DAG1: variants seen among roughly 807,000 people sequenced by gnomAD.
DAG1 encodes the protein dystroglycan 1 (dystrophin-associated glycoprotein 1).
Under a neutral mutation model 46.1 loss-of-function variants are expected in DAG1, and 8 were observed. That is an observed-to-expected ratio of 0.17 (90% confidence interval 0.10 to 0.31). DAG1 has a LOEUF of 0.31. DAG1 is among the 10% of genes least tolerant of loss of function. DAG1 has a pLI of 1.00. For synonymous variants in DAG1, 495 were observed against 481.8 expected, an observed-to-expected ratio of 1.03 and a Z score of -0.36; for missense variants, 1,003 against 1,189.9, an observed-to-expected ratio of 0.84 and a Z score of 2.31.
intron 1 of DAG1, chr3:49,487,200 ATTATTGAGAATTT>A (rs1394717965): frequency 1.3e-5 from 2 of 152,354 alleles, no homozygotes; most frequent in African/African-American, 4.8e-5. Flanking sequence ...TGATGTTTTA[ATTATTGAGAATTT>A]TGTATTTTTT....
At chr3:49,516,681 G>A (rs184812396) in intron 2 of DAG1, among the ~76,000 whole-genome samples, 1 of 152,314 alleles carries the variant, frequency 6.6e-6, no homozygotes, top group East Asian at 1.9e-4. Flanking sequence ...GTATTCTTGT[G>A]ATATGCCCCT....
chr3:49,515,253 A>G (rs1298565067), intron 2 of DAG1, among the ~76,000 whole-genome samples: 1 of 147,996 alleles, frequency 6.8e-6, no homozygotes, highest in Admixed American at 6.7e-5. Flanking sequence ...TACAGGAATG[A>G]GCCACTGTCC....
intron 2 of DAG1, among the ~76,000 whole-genome samples, chr3:49,513,933 G>C (rs1042650409): frequency 2.0e-5 from 3 of 152,226 alleles, no homozygotes; most frequent in Admixed American, 2.0e-4. Flanking sequence ...AATGTTTTAC[G>C]TGGATTAATC....
chr3:49,517,832 T>C (rs528750305), intron 2 of DAG1, among the ~76,000 whole-genome samples: 1 of 152,220 alleles, frequency 6.6e-6, no homozygotes, highest in Non-Finnish European at 1.5e-5. Context: ...TGCTATGTGA[T>C]AAAGCATTAA....
Position 49,487,692 on chromosome 3 carries a change from C to T in DAG1, c.-117+17259C>T, listed in dbSNP as rs112929522. ...TTTGGAGTAATTAGCCCCATACATT[C>T]TTTTTTTTTTTTTTTTTTTTTGTTT... On this transcript the variant is annotated intron_variant, in intron 1 of 2. Transcript: ENST00000308775. Among the ~76,000 whole-genome samples the T allele has an allele frequency of 1.8e-3, 188 of 105,700 alleles. 1 individual carries two copies. Among genetic ancestry groups the T allele is most frequent in the African/African-American group, 6.2e-3 (172 of 27,742 alleles). 69.3% of individuals were successfully genotyped at this position (105,700 alleles called of 152,430 possible).
intron 1 of DAG1, among the ~76,000 whole-genome samples, chr3:49,491,961 T>C (rs1575359767): frequency 6.8e-6 from 1 of 146,986 alleles, no homozygotes. Context: ...GAGTCTCACT[T>C]TGTTGCCCAG....
chr3:49,501,052 G>C (rs1309819771), intron 1 of DAG1, among the ~76,000 whole-genome samples: 4 of 152,116 alleles, frequency 2.6e-5, no homozygotes, highest in Non-Finnish European at 4.4e-5. Context: ...TTACCAAGTT[G>C]CAAAAAATTT....
intron 1 of DAG1, among the ~76,000 whole-genome samples, chr3:49,479,680 TG>T (rs2049810574): frequency 1.1e-5 from 1 of 93,034 alleles, no homozygotes; most frequent in South Asian, 3.9e-4. Context: ...CTCTGTCACC[TG>T]GGCTGGAGTG....
chr3:49,486,517 CCTTTTT>C (rs761318079), intron 1 of DAG1, among the ~76,000 whole-genome samples: 22 of 148,432 alleles, frequency 1.5e-4, no homozygotes, highest in Non-Finnish European at 2.5e-4. Flanking sequence ...CGCGCCCGGC[CCTTTTT>C]CTTTTTTTTG....
chr3:49,487,795 G>C lies in DAG1; in HGVS notation c.-117+17362G>C, dbSNP rs368099596. ...GCTCACTGCAACCTCCGCCTCCCGG[G>C]TTCAAGCGATTCTCCTGCCTCGGCC... is the stretch of plus-strand genomic sequence containing the variant. On this transcript the variant is annotated intron_variant, in intron 1 of 2. Transcript: ENST00000308775. Among the ~76,000 whole-genome samples the C allele has an allele frequency of 1.3e-4, 19 of 149,636 alleles. No homozygotes were observed. The East Asian group carries it at 2.8e-3, about 22-fold the overall frequency.
In DAG1 at chr3:49,530,788, C is replaced by T. The variant is rs2107922008; in HGVS notation, c.286-9C>T. 6.2e-7 allele frequency: 1 copy of T among 1,614,098 alleles called. No individual in the cohort carries two copies. The highest frequency in any genetic ancestry group is 1.1e-5 in the South Asian group (1 of 91,036). ...TAGTATTTTTAATTTATGCTTGTGTCTCTTCTAGGTATCAGCGGCAGGGAA... is the reference window on the plus strand; with the variant it reads ...TAGTATTTTTAATTTATGCTTGTGTTTCTTCTAGGTATCAGCGGCAGGGAA... On this transcript the variant is annotated splice_polypyrimidine_tract_variant and intron_variant, in intron 2 of 2. Coordinates refer to ENST00000308775, the MANE Select transcript of DAG1 (RefSeq NM_004393.6).
At chr3:49,472,309 G>T (rs1041149553) in intron 1 of DAG1, among the ~76,000 whole-genome samples, 1 of 152,112 alleles carries the variant, frequency 6.6e-6, no homozygotes. Context: ...CTGCCATGAT[G>T]GGGGAGGAGC....
Position 49,510,702 on chromosome 3 carries a change from C to T in DAG1, c.168C>T (p.Asp56=), listed in dbSNP as rs774701676. 5.0e-6 allele frequency: 8 copies of T among 1,614,060 alleles called. No homozygotes were observed. In the African/African-American group the frequency reaches 5.3e-5, roughly 11 times the overall value. The change falls in exon 2 of 3, where the codon GAC becomes GAT. Residue 56 remains aspartate (D), a synonymous_variant. Transcript: ENST00000308775. ...CATCCATGCACTCAGTGCTCTCAGA[C>T]CTCCACGAGGCTGTTCCCACAGTGG... ...LEASMHSVLS[D]LHEAVPTVVG... is the part of the protein sequence containing the mutation.
At chr3:49,478,551 T>A (rs1338492655) in intron 1 of DAG1, among the ~76,000 whole-genome samples, 5 of 146,068 alleles carry the variant, frequency 3.4e-5, no homozygotes, top group South Asian at 2.1e-4. Flanking sequence ...TTTTTTTTTT[T>A]AAATTTTTTG....
chr3:49,498,197 C>T (rs751515622), intron 1 of DAG1, among the ~76,000 whole-genome samples: 8 of 152,184 alleles, frequency 5.3e-5, no homozygotes, highest in Non-Finnish European at 7.3e-5. Flanking sequence ...CCCTCCATAT[C>T]ACTGGTGGTA....
intron 1 of DAG1, among the ~76,000 whole-genome samples, chr3:49,475,406 CTTT>C (rs11320656): frequency 2.4e-5 from 3 of 124,470 alleles, no homozygotes; most frequent in Non-Finnish European, 3.4e-5. Context: ...ACCTGGCCAG[CTTT>C]TTTTTTTTTT....
At chr3:49,520,799 A>G (rs979871251) in intron 2 of DAG1, among the ~76,000 whole-genome samples, 3 of 152,226 alleles carry the variant, frequency 2.0e-5, no homozygotes, top group Admixed American at 2.0e-4. Flanking sequence ...TTTACTGGCC[A>G]TCATCAGCTG....
chr3:49,508,320 G>C (rs2050665227), intron 1 of DAG1, among the ~76,000 whole-genome samples: 1 of 150,986 alleles, frequency 6.6e-6, no homozygotes, highest in South Asian at 2.1e-4. Flanking sequence ...TCCTGCTTCA[G>C]CCTCCCGAGT....
intron 2 of DAG1, among the ~76,000 whole-genome samples, chr3:49,527,700 C>CT (rs1421089432): frequency 6.6e-6 from 1 of 151,420 alleles, no homozygotes; most frequent in Non-Finnish European, 1.5e-5. Context: ...GAGACGCTGT[C>CT]TAAAAAAAAA....
Sources: gnomAD v4.1 joint callset for allele counts (sites outside exome capture counted in the v4.1 genomes callset) on GRCh38, gnomAD v4.1.1 for gene constraint, MANE v1.5 for transcripts, NCBI Gene and HGNC (gene_info 2026-07-23, HGNC 2026-07-21) for gene names.